Variants in LMO2 observed in about 807,000 individuals in gnomAD.
LMO2 encodes LIM domain only 2, also known as rhombotin-2.
A neutral mutation model predicts 23.2 loss-of-function variants in LMO2; 20 were observed. The ratio of observed to expected loss-of-function variants is 0.86; its 90% CI spans 0.61 to 1.25. The LOEUF is 1.25. Ranked by LOEUF, LMO2 falls within the 50% of genes most tolerant of loss-of-function variation. LMO2 has a pLI of 0.00. For missense variants in LMO2, 270 were observed against 315.3 expected, an observed-to-expected ratio of 0.86 and a Z score of 1.09; for synonymous variants, 123 against 130.2, an observed-to-expected ratio of 0.94 and a Z score of 0.38.
intron 5 of LMO2, among the ~76,000 whole-genome samples, chr11:33,860,253 C>T (rs976554201): frequency 1.2e-4 from 18 of 152,290 alleles, no homozygotes; most frequent in Non-Finnish European, 2.2e-4. Context: ...GATCTTAATT[C>T]ATGGCCCTCG....
intron 1 of LMO2, among the ~76,000 whole-genome samples, chr11:33,884,190 T>G (rs1418198488): frequency 6.6e-6 from 1 of 151,972 alleles, no homozygotes; most frequent in East Asian, 1.9e-4. Flanking sequence ...CCCTGACTTC[T>G]GGGGAGGAGA....
In LMO2 at chr11:33,880,239, C is replaced by A. The variant is rs569329567; in HGVS notation, c.-272+1585G>T. ...TCATATATACACATGATATATATATCATATATACACATGATATATATATCA... is the reference window on the plus strand; with the variant it reads ...TCATATATACACATGATATATATATAATATATACACATGATATATATATCA... On this transcript the variant is annotated intron_variant, in intron 2 of 5. Coordinates refer to ENST00000257818, the MANE Select transcript of LMO2 (RefSeq NM_005574.4). This position sits in a 1 kb window ranked among gnomAD's most constrained non-coding sequence, Gnocchi z 4.3. 1.4e-5 allele frequency among the ~76,000 whole-genome samples: 2 copies of A among 139,016 alleles called. No individual in the cohort carries two copies. The highest frequency in any genetic ancestry group is 3.2e-5 in the Non-Finnish European group (2 of 62,618). The allele number at this position is 139,016 out of a possible 152,430, so 91.2% of individuals were successfully genotyped here.
In LMO2 at chr11:33,869,421, G is replaced by A. The variant is rs969680477; in HGVS notation, c.173C>T (p.Ala58Val). The change falls in exon 4 of 6, where the codon GCG becomes GTG. Residue 58 changes from alanine to valine, a missense_variant. Coordinates refer to ENST00000257818, the MANE Select transcript of LMO2 (RefSeq NM_005574.4). ...AGGCGGGGTGCCGGGCGGCGGGGGC[G>A]CTCCCTTTGTGGCGCGGGGCTGGCC... The part of the protein sequence containing the change: ...AAGQPRATKG[A>V]PPPPGTPPPS... 2.6e-4 allele frequency: 316 copies of A among 1,197,710 alleles called. No individual in the cohort carries two copies. The highest frequency in any genetic ancestry group is 3.1e-4 in the Non-Finnish European group (300 of 960,354). The allele number at this position is 1,197,710 out of a possible 1,614,324, so 74.2% of individuals were successfully genotyped here.
chr11:33,888,730 G>A (rs939053253), intron 1 of LMO2, among the ~76,000 whole-genome samples: 1 of 152,166 alleles, frequency 6.6e-6, no homozygotes, highest in Non-Finnish European at 1.5e-5. Context: ...TTGCTTATTT[G>A]ATTGGTGTCT....
At chr11:33,877,086 C>T (rs1320047618) in intron 2 of LMO2, among the ~76,000 whole-genome samples, 2 of 152,192 alleles carry the variant, frequency 1.3e-5, no homozygotes, top group Non-Finnish European at 2.9e-5. Flanking sequence ...GGGCTTAGTT[C>T]AAGTAAGGTG....
At chr11:33,884,164 C>A (rs1055102992) in intron 1 of LMO2, among the ~76,000 whole-genome samples, 3 of 152,230 alleles carry the variant, frequency 2.0e-5, no homozygotes, top group African/African-American at 7.2e-5. Flanking sequence ...TTGAGGGCCC[C>A]ACTGAGAAGA....
chr11:33,867,299 T>C (rs1457341475), intron 4 of LMO2, among the ~76,000 whole-genome samples: 1 of 152,124 alleles, frequency 6.6e-6, no homozygotes, highest in Non-Finnish European at 1.5e-5. Flanking sequence ...TTTGAGGAAG[T>C]ACACAATGAA....
intron 1 of LMO2, among the ~76,000 whole-genome samples, chr11:33,883,789 T>C (rs1857341165): frequency 6.6e-6 from 1 of 152,070 alleles, no homozygotes; most frequent in South Asian, 2.1e-4. Context: ...TGAAACTGAG[T>C]CACAGAAAGC....
intron 5 of LMO2, among the ~76,000 whole-genome samples, chr11:33,861,395 G>T (rs2133685366): frequency 6.6e-6 from 1 of 152,342 alleles, no homozygotes; most frequent in East Asian, 1.9e-4. Context: ...GAGATTAATG[G>T]AATTGACAAG....
chr11:33,888,326 C>A (rs1271960677), intron 1 of LMO2, among the ~76,000 whole-genome samples: 1 of 152,200 alleles, frequency 6.6e-6, no homozygotes, highest in Non-Finnish European at 1.5e-5. Context: ...GGGATCCTTT[C>A]ATAACCTGCA....
At chr11:33,889,905 TG>T (rs1349608071) in intron 1 of LMO2, among the ~76,000 whole-genome samples, 1 of 152,208 alleles carries the variant, frequency 6.6e-6, no homozygotes, top group Non-Finnish European at 1.5e-5. Context: ...TGTCCATCAA[TG>T]GATGATTGGA....
In LMO2 at chr11:33,859,277, G is replaced by T; in HGVS notation, c.*79C>A. On this transcript the variant is annotated 3_prime_UTR_variant, in exon 6 of 6. Coordinates refer to ENST00000257818, the MANE Select transcript of LMO2 (RefSeq NM_005574.4). ...TACCCCACCCTCAAACCCCCAAAGT[G>T]CCTAAGAGTGAAGACGAAGATGCCA... 1.9e-6 allele frequency: 2 copies of T among 1,042,134 alleles called. No individual in the cohort carries two copies. The highest frequency in any genetic ancestry group is 2.9e-6 in the Non-Finnish European group (2 of 683,426). 64.6% of individuals were successfully genotyped at this position (1,042,134 alleles called of 1,614,324 possible). A position where few individuals can be genotyped will look rare whatever the true frequency, so the allele number is the denominator to read the frequency against.
At chr11:33,861,907 C>T (rs1357928869) in intron 5 of LMO2, among the ~76,000 whole-genome samples, 1 of 152,112 alleles carries the variant, frequency 6.6e-6, no homozygotes, top group East Asian at 1.9e-4. Flanking sequence ...TGACTTAAGC[C>T]ATAAAGCAAG....
intron 2 of LMO2, chr11:33,870,210 G>A (rs1856975467): frequency 7.0e-6 from 3 of 429,832 alleles, no homozygotes; most frequent in Non-Finnish European, 9.4e-6. Context: ...TTGGAAAGGA[G>A]GCTGGGCAAC....
chr11:33,859,910 G>GT (rs1360012296), intron 5 of LMO2, among the ~76,000 whole-genome samples: 1 of 152,150 alleles, frequency 6.6e-6, no homozygotes, highest in Non-Finnish European at 1.5e-5. Flanking sequence ...AGTTAGGCAA[G>GT]TATTACCTGT....
At chr11:33,875,852 C>T (rs1857126503) in intron 2 of LMO2, among the ~76,000 whole-genome samples, 2 of 152,206 alleles carry the variant, frequency 1.3e-5, no homozygotes, top group South Asian at 4.1e-4. Flanking sequence ...TGCAGAGGTG[C>T]CACACCTGAG....
chr11:33,868,016 A>C (rs976340436), intron 4 of LMO2, among the ~76,000 whole-genome samples: 2 of 152,224 alleles, frequency 1.3e-5, no homozygotes, highest in Non-Finnish European at 2.9e-5. Context: ...ACATACTTTT[A>C]AAAAGGAATG....
At chr11:33,878,541 T>C (rs1292695056) in intron 2 of LMO2, among the ~76,000 whole-genome samples, 2 of 152,250 alleles carry the variant, frequency 1.3e-5, no homozygotes, top group Non-Finnish European at 2.9e-5. Context: ...TGAGATAATG[T>C]ATGCAGTGGG....
intron 1 of LMO2, among the ~76,000 whole-genome samples, chr11:33,884,386 G>C (rs946245525): frequency 1.3e-5 from 2 of 152,142 alleles, no homozygotes; most frequent in Non-Finnish European, 2.9e-5. Flanking sequence ...GTGCTGCAGA[G>C]GTGAGTGGGG....
Sources: allele counts gnomAD v4.1 joint callset (sites outside exome capture counted in the v4.1 genomes callset), GRCh38; gene constraint gnomAD v4.1.1; non-coding constraint Gnocchi (gnomAD v3.1); transcripts MANE v1.5; gene names NCBI Gene and HGNC (gene_info 2026-07-23, HGNC 2026-07-21).